SIK3: variants seen among roughly 807,000 people sequenced by gnomAD.
SIK3 encodes SIK family kinase 3.
A neutral mutation model predicts 144.2 loss-of-function variants in SIK3; 28 were observed. The observed-to-expected ratio is 0.19, with a 90% CI of 0.14 to 0.27. The LOEUF (loss-of-function observed/expected upper bound fraction) is 0.27. SIK3 is among the 10% of genes least tolerant of loss of function. The pLI is 1.00. For missense variants in SIK3, 1,319 were observed against 1,776.0 expected, an observed-to-expected ratio of 0.74 and a Z score of 4.62; for synonymous variants, 686 against 676.3, an observed-to-expected ratio of 1.01 and a Z score of -0.22.
At chr11:116,937,305 T>C (rs956727459) in intron 3 of SIK3, among the ~76,000 whole-genome samples, 5 of 152,258 alleles carry the variant, frequency 3.3e-5, no homozygotes, top group Admixed American at 6.5e-5. Flanking sequence ...AATGGTTACT[T>C]ACGGAAAAGG....
chr11:117,063,154 A>T (rs983128301), intron 1 of SIK3, among the ~76,000 whole-genome samples: 6 of 152,184 alleles, frequency 3.9e-5, no homozygotes, highest in Non-Finnish European at 7.3e-5. Context: ...TATACTAACT[A>T]ATCTTCATAT....
intron 1 of SIK3, among the ~76,000 whole-genome samples, chr11:117,091,639 T>A (rs1210028100): frequency 1.3e-5 from 2 of 152,196 alleles, no homozygotes; most frequent in African/African-American, 4.8e-5. Context: ...CATGCTTAAT[T>A]TATGTGCAAT....
chr11:117,004,531 G>A (rs1950972356), intron 1 of SIK3, among the ~76,000 whole-genome samples: 1 of 152,018 alleles, frequency 6.6e-6, no homozygotes, highest in East Asian at 1.9e-4. Context: ...CAAAAAAAAA[G>A]AACAACGTTA....
rs113505239 is a variant in SIK3 at position 116,854,234 on chromosome 11, C to T, written c.3655+3576G>A. Among the ~76,000 whole-genome samples, 72 of 152,232 alleles carry T rather than the reference C, an allele frequency of 4.7e-4. 1 individual carries two copies. The highest frequency in any genetic ancestry group is 1.6e-3 in the African/African-American group (66 of 41,530). On this transcript the variant is annotated intron_variant, in intron 21 of 24. Transcript: ENST00000445177. ...AAAATTAGCTGGGTGTAGTGGCACG[C>T]GCCTGTAGTCCCAGCTGCTCAGGAG...
At chr11:116,929,744 G>A (rs909177599) in intron 3 of SIK3, among the ~76,000 whole-genome samples, 1 of 152,234 alleles carries the variant, frequency 6.6e-6, no homozygotes, top group Non-Finnish European at 1.5e-5. Context: ...CTCTGATTAA[G>A]AGTATCATAC....
chr11:116,920,056 T>A (rs1946874143), intron 4 of SIK3, among the ~76,000 whole-genome samples: 1 of 152,120 alleles, frequency 6.6e-6, no homozygotes, highest in South Asian at 2.1e-4. Context: ...AAGCCTTATA[T>A]CTTATATTCA....
intron 1 of SIK3, among the ~76,000 whole-genome samples, chr11:117,046,602 G>A (rs1463226299): frequency 6.6e-6 from 1 of 152,152 alleles, no homozygotes; most frequent in African/African-American, 2.4e-5. Flanking sequence ...ATATTGGTGA[G>A]GCAAAGTGGC....
At chr11:116,863,305 C>T (rs1480223319) in intron 16 of SIK3, among the ~76,000 whole-genome samples, 1 of 152,084 alleles carries the variant, frequency 6.6e-6, no homozygotes, top group Non-Finnish European at 1.5e-5. Context: ...GGATGGAGTG[C>T]AGGGGTGTGA....
chr11:117,007,748 G>A (rs1027045000), intron 1 of SIK3, among the ~76,000 whole-genome samples: 1 of 152,110 alleles, frequency 6.6e-6, no homozygotes, highest in Non-Finnish European at 1.5e-5. Flanking sequence ...TTCAGAATAT[G>A]AGCTCACCCT....
intron 1 of SIK3, among the ~76,000 whole-genome samples, chr11:117,063,703 G>C (rs886136269): frequency 9.2e-5 from 14 of 151,664 alleles, no homozygotes; most frequent in South Asian, 2.1e-4. Flanking sequence ...CAAGTAGCTG[G>C]AATTACAGGC....
intron 1 of SIK3, among the ~76,000 whole-genome samples, chr11:116,963,278 C>T (rs1032714252): frequency 6.6e-6 from 1 of 152,210 alleles, no homozygotes; most frequent in Non-Finnish European, 1.5e-5. Context: ...TTAAGTCTTA[C>T]AGCCTTAAGA....
Position 116,952,546 on chromosome 11 carries a change from T to A in SIK3, c.454+1498A>T, listed in dbSNP as rs548866471. On this transcript the variant is annotated intron_variant, in intron 3 of 24. Transcript: ENST00000445177. ...CCCAATAACATGACTGCTATTTCTC[T>A]CTCTCCAAATATTCTCTCTTGTGCT... Among the ~76,000 whole-genome samples, 6 of 152,354 alleles carry A rather than the reference T, an allele frequency of 3.9e-5. No homozygotes were observed. In the South Asian group the frequency reaches 1.2e-3, roughly 32 times the overall value.
chr11:116,872,014 C>G (rs943267304), intron 13 of SIK3, among the ~76,000 whole-genome samples: 1 of 152,010 alleles, frequency 6.6e-6, no homozygotes, highest in Non-Finnish European at 1.5e-5. Context: ...AGTGGACAAA[C>G]TCATCCAGAG....
chr11:117,049,651 C>G (rs1953136054), intron 1 of SIK3, among the ~76,000 whole-genome samples: 1 of 151,944 alleles, frequency 6.6e-6, no homozygotes, highest in South Asian at 2.1e-4. Flanking sequence ...AAATTTTATT[C>G]AAAATAGAGT....
intron 3 of SIK3, among the ~76,000 whole-genome samples, chr11:116,942,700 T>C (rs1948378889): frequency 6.6e-6 from 1 of 152,120 alleles, no homozygotes; most frequent in South Asian, 2.1e-4. Flanking sequence ...ATGGAATATA[T>C]GGTCTTAAAG....
At chr11:116,910,720 T>A (rs976066621) in intron 4 of SIK3, among the ~76,000 whole-genome samples, 8 of 152,116 alleles carry the variant, frequency 5.3e-5, no homozygotes, top group Admixed American at 5.2e-4. Flanking sequence ...TTAGTTCACA[T>A]GGCTCAAGAT....
At chr11:116,914,451 C>T (rs367769934) in intron 4 of SIK3, among the ~76,000 whole-genome samples, 2 of 152,028 alleles carry the variant, frequency 1.3e-5, no homozygotes, top group African/African-American at 2.4e-5. Context: ...TCAGGTAATC[C>T]GCCCAGGTCC....
intron 1 of SIK3, among the ~76,000 whole-genome samples, chr11:117,085,042 G>A (rs984799539): frequency 1.3e-5 from 2 of 150,094 alleles, no homozygotes; most frequent in African/African-American, 4.9e-5. Flanking sequence ...ATTAATGTTT[G>A]TTAACATAGG....
chr11:117,094,159 T>C (rs1433050290), intron 1 of SIK3, among the ~76,000 whole-genome samples: 1 of 152,136 alleles, frequency 6.6e-6, no homozygotes, highest in Non-Finnish European at 1.5e-5. Flanking sequence ...ATCCAACTAT[T>C]AAGCAGCAAA....
Sources: gnomAD v4.1 joint callset for allele counts (sites outside exome capture counted in the v4.1 genomes callset) on GRCh38, gnomAD v4.1.1 for gene constraint, MANE v1.5 for transcripts, NCBI Gene and HGNC (gene_info 2026-07-23, HGNC 2026-07-21) for gene names.